The following PLPPR3 variants were observed in gnomAD, a reference collection of about 807,000 sequenced individuals.
PLPPR3 encodes phospholipid phosphatase-related protein type 3.
Under a neutral mutation model 27.3 loss-of-function variants are expected in PLPPR3, and 14 were observed. The ratio of observed to expected loss-of-function variants is 0.51; its 90% CI spans 0.34 to 0.80. The LOEUF (loss-of-function observed/expected upper bound fraction) is 0.80. Ranked by LOEUF, PLPPR3 falls within the 30% of genes least tolerant of loss-of-function variation. The pLI, the probability that PLPPR3 is intolerant of heterozygous loss-of-function variation, is 0.01. For missense variants in PLPPR3, 1,287 were observed against 1,056.9 expected (o/e 1.22, Z -3.02); for synonymous variants, 671 against 508.0 (o/e 1.32, Z -4.32).
intron 2 of PLPPR3, among the ~76,000 whole-genome samples, chr19:816,375 TCCATCCATCCACCCACCCA>T: frequency 2.0e-5 from 1 of 50,632 alleles, no homozygotes; most frequent in Middle Eastern, 8.8e-3. Context: ...CAGCCATTCA[TCCATCCATCCACCCACCCA>T]TCATCCATCC....
Position 813,540 on chromosome 19 carries a change from T to C in PLPPR3, c.1187A>G (p.His396Arg). Residue 396 changes from histidine (H) to arginine (R), a missense_variant, in exon 8 of 8, where the codon CAC becomes CGC. By Grantham distance (29) the His-to-Arg change is conservative. Transcript: ENST00000520876. This position sits in a 1 kb window ranked among gnomAD's most constrained non-coding sequence, Gnocchi z 4.1. ...DDPARRHMTI[H>R]VPLDASRSKQ... ...GGAGCGCGAGGCGTCCAGCGGCACG[T>C]GGATGGTCATGTGGCGGCGCGCGGG... 6.4e-7 allele frequency: 1 copy of C among 1,562,372 alleles called. No individual in the cohort carries two copies. The highest frequency in any genetic ancestry group is 1.2e-5 in the South Asian group (1 of 85,470).
At position 818,501 on chromosome 19, in the gene PLPPR3, C is replaced by T. The variant is rs958036069; in HGVS notation, c.76-2650G>A. 3.9e-5 allele frequency among the ~76,000 whole-genome samples: 6 copies of T among 152,014 alleles called. No homozygotes were observed. The East Asian group carries it at 5.8e-4, about 15-fold the overall frequency. On this transcript the variant is annotated intron_variant, in intron 2 of 7. Coordinates refer to ENST00000520876, the MANE Select transcript of PLPPR3 (RefSeq NM_001270366.2). The stretch of plus-strand genomic sequence containing the variant: ...AGATCACTTGAGGCCTGGAGTTCAA[C>T]GCTAGCCTGAGCAACACAGTAAGAC...
intron 2 of PLPPR3, among the ~76,000 whole-genome samples, chr19:820,424 A>G (rs931636273): frequency 1.3e-5 from 2 of 152,152 alleles, no homozygotes; most frequent in Non-Finnish European, 2.9e-5. Context: ...GCCTCAAGTG[A>G]TCCTCCCACC....
chr19:819,383 C>A (rs922057569), intron 2 of PLPPR3, among the ~76,000 whole-genome samples: 1 of 148,430 alleles, frequency 6.7e-6, no homozygotes, highest in Non-Finnish European at 1.5e-5. Context: ...TGGGTTCAAG[C>A]GATTCTCCTG....
chr19:815,782 T>C lies in PLPPR3; in HGVS notation c.145A>G (p.Lys49Glu). 1.9e-6 allele frequency: 3 copies of C among 1,612,832 alleles called. No homozygotes were observed. Among genetic ancestry groups the C allele is most frequent in the Non-Finnish European group, 2.5e-6 (3 of 1,179,902 alleles). The part of the protein sequence containing the change: ...LELTDLFKPA[K>E]VGFQCYDRTL... The stretch of plus-strand genomic sequence containing the variant: ...CGGTCATAGCACTGGAAGCCCACCT[T>C]GGCCGGCTTGAAGAGGTCGGTCAGC... Residue 49 changes from lysine (K) to glutamate (E), a missense_variant, in exon 3 of 8, where the codon AAG becomes GAG. Lys to Glu is a moderately conservative substitution (Grantham distance 56). Coordinates refer to ENST00000520876, the MANE Select transcript of PLPPR3 (RefSeq NM_001270366.2).
chr19:819,058 C>T lies in PLPPR3; in HGVS notation c.75+2427G>A, dbSNP rs1485010142. On this transcript the variant is annotated intron_variant, in intron 2 of 7. Coordinates refer to ENST00000520876, the MANE Select transcript of PLPPR3 (RefSeq NM_001270366.2). Reference sequence around the variant, plus strand: ...GTGGAACAGTCTCAGCTCACTGCAACCTCCACCTCCCGTCCTCAAGCGATT... The same window carrying T: ...GTGGAACAGTCTCAGCTCACTGCAATCTCCACCTCCCGTCCTCAAGCGATT... 1.8e-5 allele frequency among the ~76,000 whole-genome samples: 2 copies of T among 108,608 alleles called. 1 individual carries two copies. The highest frequency in any genetic ancestry group is 3.6e-5 in the Non-Finnish European group (2 of 55,462). The allele number at this position is 108,608 out of a possible 152,430, so 71.3% of individuals were successfully genotyped here.
chr19:813,656 G>A lies in PLPPR3; in HGVS notation c.1071C>T (p.Asp357=), dbSNP rs1285457571. 1 of 1,536,340 alleles carries A rather than the reference G, an allele frequency of 6.5e-7. No individual in the cohort carries two copies. The highest frequency in any genetic ancestry group is 8.7e-7 in the Non-Finnish European group (1 of 1,144,946). The part of the protein sequence containing the change: ...GSLKRASVDV[D]LLAPRSPMAK... ...CCATGGGGCTGCGCGGGGCCAGCAG[G>A]TCCACGTCCACGCTGGCGCGCTTCA... The change falls in exon 8 of 8, where the codon GAC becomes GAT. Residue 357 remains aspartate, a synonymous_variant. Transcript: ENST00000520876. This position sits in a 1 kb window ranked among gnomAD's most constrained non-coding sequence, Gnocchi z 4.1.
intron 1 of PLPPR3, 145 bp downstream of exon 1, chr19:821,770 G>C (rs1420780434): frequency 7.8e-6 from 3 of 382,962 alleles, no homozygotes; most frequent in Non-Finnish European, 1.4e-5. Flanking sequence ...CGGGATCGGG[G>C]GGTCGGGGCC....
At chr19:821,340 C>G (rs904812188) in intron 2 of PLPPR3, 145 bp downstream of exon 2, 3 of 576,622 alleles carry the variant, frequency 5.2e-6, no homozygotes, top group South Asian at 5.1e-5. Context: ...TGCCCCACCC[C>G]CCATCCGCCG....
rs1197144152 is a variant in PLPPR3, at chr19:813,467, G to C, written c.1260C>G (p.Gly420=). 6.5e-7 allele frequency: 1 copy of C among 1,537,386 alleles called. No individual in the cohort carries two copies. Among genetic ancestry groups the C allele is most frequent in the Admixed American group, 2.0e-5 (1 of 51,062 alleles). Residue 420 remains glycine (G), a synonymous_variant, in exon 8 of 8, where the codon GGC becomes GGG. Transcript: ENST00000520876. This position sits in a 1 kb window ranked among gnomAD's most constrained non-coding sequence, Gnocchi z 4.1. ...EWKQKSLEGR[G]LGLPDDASPG... ...GGCTGGCGTCGTCGGGCAGCCCCAG[G>C]CCGCGGCCCTCCAGGCTCTTCTGCT...
intron 2 of PLPPR3, among the ~76,000 whole-genome samples, chr19:816,449 CCCATCCATCCAACCGT>C (rs1365256190): frequency 1.3e-5 from 2 of 148,810 alleles, no homozygotes; most frequent in Non-Finnish European, 3.0e-5. Context: ...TACCCACCTA[CCCATCCATCCAACCGT>C]CCATCCATCC....
chr19:823,451 A>AAACAAAAC (rs2035178744), upstream of PLPPR3, among the ~76,000 whole-genome samples: 1 of 49,414 alleles, frequency 2.0e-5, no homozygotes, highest in African/African-American at 3.1e-4. Flanking sequence ...CAAAAAAAAA[A>AAACAAAAC]AAAAAAACAA....
In PLPPR3 at chr19:813,212, G is replaced by A. The variant is rs1282049657; in HGVS notation, c.1515C>T (p.Ala505=). The part of the protein sequence containing the change: ...HIPEEGAQTG[A]GLSPKSGAGV... ...CGGCGCCGCTTTTGGGGGACAGGCC[G>A]GCCCCCGTCTGCGCGCCCTCCTCCG... The change falls in exon 8 of 8, where the codon GCC becomes GCT. Residue 505 remains alanine (A), a synonymous_variant. Coordinates refer to ENST00000520876, the MANE Select transcript of PLPPR3 (RefSeq NM_001270366.2). The surrounding 1 kb of genome is among the most constrained non-coding windows in gnomAD (Gnocchi z 4.1). 3.4e-6 allele frequency: 5 copies of A among 1,491,736 alleles called. No individual in the cohort carries two copies. Among genetic ancestry groups the A allele is most frequent in the Non-Finnish European group, 4.4e-6 (5 of 1,133,602 alleles). 92.4% of individuals were successfully genotyped at this position (1,491,736 alleles called of 1,614,324 possible).
rs781305675 is a variant in PLPPR3, at chr19:814,710, G to A, written c.639C>T (p.Phe213=). The change falls in exon 6 of 8, where the codon TTC becomes TTT. Residue 213 remains phenylalanine, a synonymous_variant. Coordinates refer to ENST00000520876, the MANE Select transcript of PLPPR3 (RefSeq NM_001270366.2). ...FPSQHATLSA[F]AAVYVSMYFN... is the part of the protein sequence containing the mutation. Reference sequence around the variant, plus strand: ...GACTCACCGACACATAGACCGCGGCGAAGGCTGACAGCGTGGCGTGCTGGG... The same window carrying A: ...GACTCACCGACACATAGACCGCGGCAAAGGCTGACAGCGTGGCGTGCTGGG... The A allele has an allele frequency of 1.1e-5, 17 of 1,592,954 alleles. No homozygotes were observed. The highest frequency in any genetic ancestry group is 6.7e-5 in the East Asian group (3 of 44,664).
chr19:821,741 T>G, intron 1 of PLPPR3, 156 bp from the exon 2 acceptor site: 1 of 403,186 alleles, frequency 2.5e-6, no homozygotes, highest in Admixed American at 4.6e-5. Flanking sequence ...AGCACGCGGC[T>G]TCCGGGCGCC....
intron 2 of PLPPR3, among the ~76,000 whole-genome samples, chr19:820,622 C>T (rs575311104): frequency 6.6e-6 from 1 of 152,194 alleles, no homozygotes; most frequent in South Asian, 2.1e-4. Context: ...TGGGTTCAAG[C>T]GATTCTCCTG....
In PLPPR3 at chr19:812,609, G is replaced by T; in HGVS notation, c.2118C>A (p.Gly706=). The change falls in exon 8 of 8, where the codon GGC becomes GGA. Residue 706 remains glycine (G), a synonymous_variant. Coordinates refer to ENST00000520876, the MANE Select transcript of PLPPR3 (RefSeq NM_001270366.2). ...AEREAEAEAE[G]YFRKMQARRF... ...GGCGCGCCTGCATCTTGCGGAAGTA[G>T]CCCTCGGCCTCCGCCTCCGCCTCGC... 2 of 1,116,036 alleles carry T rather than the reference G, an allele frequency of 1.8e-6. No individual in the cohort carries two copies. 69.1% of individuals were successfully genotyped at this position (1,116,036 alleles called of 1,614,324 possible).
chr19:822,669 G>C (rs775026910), upstream of PLPPR3, among the ~76,000 whole-genome samples: 2 of 152,194 alleles, frequency 1.3e-5, no homozygotes, highest in African/African-American at 4.8e-5. Context: ...ACCCGCACTC[G>C]GGCAGTGCCT....
At chr19:816,759 C>T (rs1346094216) in intron 2 of PLPPR3, among the ~76,000 whole-genome samples, 1 of 150,418 alleles carries the variant, frequency 6.6e-6, no homozygotes, top group Admixed American at 6.6e-5. Context: ...TCCATCCACC[C>T]ACCCATCATC....
Sources: gnomAD v4.1 joint callset for allele counts (sites outside exome capture counted in the v4.1 genomes callset) on GRCh38, gnomAD v4.1.1 for gene constraint, Gnocchi (gnomAD v3.1) non-coding constraint, MANE v1.5 for transcripts, NCBI Gene and HGNC (gene_info 2026-07-23, HGNC 2026-07-21) for gene names.